APC: variants seen among roughly 807,000 people sequenced by gnomAD.
The protein encoded by APC is adenomatous polyposis coli protein.
A neutral mutation model predicts 247.0 loss-of-function variants in APC; 72 were observed. The ratio of observed to expected loss-of-function variants is 0.29; its 90% CI spans 0.24 to 0.35. The LOEUF is 0.35. Ranked by LOEUF, APC falls within the 10% of genes least tolerant of loss-of-function variation. APC has a pLI of 1.00. For missense variants in APC, 3,400 were observed against 3,360.7 expected (o/e 1.01, Z -0.29); for synonymous variants, 1,254 against 1,162.5 (o/e 1.08, Z -1.60).
At chr5:112,712,385 A>G (rs1581007330) in intron 1 of APC, among the ~76,000 whole-genome samples, 1 of 152,072 alleles carries the variant, frequency 6.6e-6, no homozygotes, top group South Asian at 2.1e-4. Flanking sequence ...GTGCACATAT[A>G]TGTTTTGTTG....
In APC at chr5:112,783,510, A is replaced by C. The variant is rs78971133; in HGVS notation, c.645+2607A>C. ...ACAAATCAATTGAAAATGGTCAACC[A>C]TGCCAGGCATGGTGATTCACACCTG... On this transcript the variant is annotated intron_variant, in intron 6 of 15. Coordinates refer to ENST00000257430, the MANE Select transcript of APC (RefSeq NM_000038.6). Among the ~76,000 whole-genome samples, 8,287 of 151,854 alleles carry C rather than the reference A, an allele frequency of 0.055. 463 individuals are homozygous for C. The highest frequency in any genetic ancestry group is 0.17 in the East Asian group (855 of 5,158).
intron 1 of APC, among the ~76,000 whole-genome samples, chr5:112,723,778 C>T (rs1751614599): frequency 6.6e-6 from 1 of 152,084 alleles, no homozygotes; most frequent in South Asian, 2.1e-4. Context: ...ATTGGGATGT[C>T]AGGAACATTT....
intron 8 of APC, among the ~76,000 whole-genome samples, chr5:112,809,782 A>G (rs1309072750): frequency 6.6e-6 from 1 of 152,200 alleles, no homozygotes; most frequent in Admixed American, 6.5e-5. Flanking sequence ...TGGGCGGATC[A>G]CGAGGTCAGG....
intron 6 of APC, among the ~76,000 whole-genome samples, chr5:112,781,205 T>G (rs1334684947): frequency 2.0e-5 from 3 of 152,180 alleles, no homozygotes; most frequent in East Asian, 1.9e-4. Flanking sequence ...CCTTTGAAAT[T>G]TTTACTTCTT....
chr5:112,743,333 A>G (rs1236012205), intron 1 of APC, among the ~76,000 whole-genome samples: 1 of 152,228 alleles, frequency 6.6e-6, no homozygotes, highest in African/African-American at 2.4e-5. Context: ...TCCTTTAGCC[A>G]CATAAGGTAA....
At chr5:112,804,369 T>C (rs1476084190) in intron 8 of APC, among the ~76,000 whole-genome samples, 1 of 152,196 alleles carries the variant, frequency 6.6e-6, no homozygotes, top group East Asian at 1.9e-4. Flanking sequence ...TTAATAAATA[T>C]TATTGACTTA....
At chr5:112,829,256 A>C (rs1185231829) in intron 14 of APC, 6 of 342,226 alleles carry the variant, frequency 1.8e-5, no homozygotes, top group Middle Eastern at 2.0e-3. Context: ...CTCCTGCCTC[A>C]GCCTCCTGAG....
At chr5:112,726,245 C>T (rs566124931) in intron 1 of APC, among the ~76,000 whole-genome samples, 2 of 152,338 alleles carry the variant, frequency 1.3e-5, no homozygotes, top group East Asian at 1.9e-4. Flanking sequence ...AGGTCCTTGT[C>T]TGGCATCCAG....
chr5:112,768,779 C>T (rs1756670388), intron 4 of APC, among the ~76,000 whole-genome samples: 1 of 151,904 alleles, frequency 6.6e-6, no homozygotes. Context: ...TAGCGTAGAA[C>T]ACAGTCCTGT....
intron 10 of APC, among the ~76,000 whole-genome samples, 165 bp downstream of exon 10, chr5:112,819,509 TAGAAAAATTTAGCAAAGGAAA>T (rs1210451654): frequency 6.6e-6 from 1 of 152,216 alleles, no homozygotes; most frequent in Admixed American, 6.5e-5. Flanking sequence ...TGTATTTCCC[TAGAAAAATTTAGCAAAGGAAA>T]ATGTTATGTG....
rs876659202 is a variant in APC, at chr5:112,840,496, G to A, written c.4902G>A (p.Pro1634=). The stretch of plus-strand genomic sequence containing the variant: ...CCCAAAAGCATGTTAGTTTTACACC[G>A]GGGGATGATATGCCACGGGTGTATT... ...LQPQKHVSFT[P]GDDMPRVYCV... is the part of the protein sequence containing the mutation. Residue 1634 remains proline, a synonymous_variant, in exon 16 of 16, where the codon CCG becomes CCA. Transcript: ENST00000257430. The surrounding 1 kb of genome is among the most constrained non-coding windows in gnomAD (Gnocchi z 4.1). 7.4e-6 allele frequency: 12 copies of A among 1,614,104 alleles called. No individual in the cohort carries two copies. The highest frequency in any genetic ancestry group is 9.3e-6 in the Non-Finnish European group (11 of 1,179,994).
At chr5:112,756,833 T>C (rs902271471) in intron 2 of APC, among the ~76,000 whole-genome samples, 8 of 152,222 alleles carry the variant, frequency 5.3e-5, no homozygotes, top group Non-Finnish European at 8.8e-5. Flanking sequence ...TGAGTATCCC[T>C]TACCCAAAAT....
At position 112,842,649 on chromosome 5, in the gene APC, G is replaced by A. The variant is rs1554087958; in HGVS notation, c.7055G>A (p.Ser2352Asn). Reference protein sequence around the residue: ...LSQLPRTSSPSTASTKSSGSG... With the variant: ...LSQLPRTSSPNTASTKSSGSG... The stretch of plus-strand genomic sequence containing the variant: ...CAACTTCCAAGGACATCATCCCCTA[G>A]TACTGCTTCAACTAAGTCCTCAGGT... The change falls in exon 16 of 16, where the codon AGT becomes AAT. Residue 2352 changes from serine (S) to asparagine (N), a missense_variant. By Grantham distance (46) the Ser-to-Asn change is conservative (BLOSUM62 1). Transcript: ENST00000257430. 1.5e-5 allele frequency: 25 copies of A among 1,613,846 alleles called. No homozygotes were observed. Among genetic ancestry groups the A allele is most frequent in the Non-Finnish European group, 2.0e-5 (24 of 1,179,826 alleles).
chr5:112,776,862 T>TA (rs199876543), intron 5 of APC, among the ~76,000 whole-genome samples: 7,642 of 146,026 alleles, frequency 0.052, 379 homozygotes, highest in East Asian at 0.16. Flanking sequence ...AAAGAAAAAA[T>TA]AAAAAAAAAA....
In APC at chr5:112,844,487, T is replaced by A. The variant is rs1672005034; in HGVS notation, c.*361T>A. 4.0e-6 allele frequency: 1 copy of A among 251,302 alleles called. No homozygotes were observed. The highest frequency in any genetic ancestry group is 2.2e-5 in the African/African-American group (1 of 45,716). The allele number at this position is 251,302 out of a possible 1,614,324, so 15.6% of individuals were successfully genotyped here. ...TTGCTGTTATCAATCATTTCTAGAT[T>A]ATAAACTGACTAAACTTACATCAGG... On this transcript the variant is annotated 3_prime_UTR_variant, in exon 16 of 16. Transcript: ENST00000257430.
rs150973053 is a variant in APC, at chr5:112,767,356, A to G, written c.388A>G (p.Ser130Gly). ...AGGGTTTGTAAATGGAAGCAGAGAA[A>G]GTACTGGATATTTAGAAGAACTTGA... ...RRGFVNGSRESTGYLEELEKE... is the reference protein window; with the variant it reads ...RRGFVNGSREGTGYLEELEKE... Residue 130 changes from serine to glycine, a missense_variant, in exon 4 of 16, where the codon AGT becomes GGT. Ser to Gly is a moderately conservative substitution (Grantham distance 56, BLOSUM62 0). Around this residue, in one of 9 missense-constraint regions of APC, gnomAD observed 372 missense variants for 367.6 expected, o/e 1.01. Transcript: ENST00000257430. 312 of 1,614,022 alleles carry G rather than the reference A, an allele frequency of 1.9e-4. No individual in the cohort carries two copies. Among genetic ancestry groups the G allele is most frequent in the Admixed American group, 5.0e-5 (3 of 59,998 alleles).
At chr5:112,824,653 C>T (rs1763462494) in intron 11 of APC, among the ~76,000 whole-genome samples, 1 of 152,130 alleles carries the variant, frequency 6.6e-6, no homozygotes. Flanking sequence ...CAGTTATTGT[C>T]ACACCAGGCA....
At chr5:112,821,839 A>G in intron 10 of APC, 57 bp from the exon 11 acceptor site, 5 of 1,368,306 alleles carry the variant, frequency 3.7e-6, no homozygotes, top group Non-Finnish European at 5.2e-6. Flanking sequence ...AGTACAATAA[A>G]CATCATTGCT....
rs1460128902 is a variant in APC at position 112,843,590 on chromosome 5, A to G, written c.7996A>G (p.Ile2666Val). 5 of 1,613,916 alleles carry G rather than the reference A, an allele frequency of 3.1e-6. No individual in the cohort carries two copies. Residue 2666 changes from isoleucine to valine, a missense_variant, in exon 16 of 16, where the codon ATT becomes GTT. This residue lies in a region of APC where 1,788 missense variants were observed against 1,649.5 expected (regional missense o/e 1.08). Transcript: ENST00000257430. The surrounding 1 kb of genome is among the most constrained non-coding windows in gnomAD (Gnocchi z 4.8). ...TTGGGTGAGAATTGAGGACTGTCCC[A>G]TTAACAATCCTAGATCTGGAAGATC... ...DVWVRIEDCP[I>V]NNPRSGRSPT...
Sources: gnomAD v4.1 joint callset for allele counts (sites outside exome capture counted in the v4.1 genomes callset) on GRCh38, gnomAD v4.1.1 for gene constraint, gnomAD v4.1.1 regional missense constraint, Gnocchi (gnomAD v3.1) non-coding constraint, MANE v1.5 for transcripts, NCBI Gene and HGNC (gene_info 2026-07-23, HGNC 2026-07-21) for gene names.